The following ATXN1 variants were observed in gnomAD, a reference collection of about 807,000 sequenced individuals.
ATXN1 encodes ataxin-1.
Under a neutral mutation model 56.4 loss-of-function variants are expected in ATXN1, and 8 were observed. The observed-to-expected ratio is 0.14, with a 90% CI of 0.08 to 0.26. The LOEUF (loss-of-function observed/expected upper bound fraction) is 0.26. Among genes scored for constraint, ATXN1 ranks in the 10% least tolerant of loss-of-function variants. The pLI, the probability that ATXN1 is intolerant of heterozygous loss-of-function variation, is 1.00. For synonymous variants in ATXN1, 514 were observed against 494.6 expected (o/e 1.04, Z -0.52); for missense variants, 987 against 1,106.5 (o/e 0.89, Z 1.53).
chr6:16,327,783 G>C lies in ATXN1; in HGVS notation c.528C>G (p.Ala176=), dbSNP rs1156894494. The C allele has an allele frequency of 1.2e-6, 2 of 1,609,976 alleles. 1 individual carries two copies. Among genetic ancestry groups the C allele is most frequent in the African/African-American group, 2.7e-5 (2 of 74,914 alleles). Reference sequence around the variant, plus strand: ...CCATGTTGGCCAGCAGAGTGGAATAGGCCTCCAGCTGGGAGCGCTGGGATG... The same window carrying C: ...CCATGTTGGCCAGCAGAGTGGAATACGCCTCCAGCTGGGAGCGCTGGGATG... The part of the protein sequence containing the change: ...TTPSQRSQLE[A]YSTLLANMGS... The change falls in exon 7 of 8, where the codon GCC becomes GCG. Residue 176 remains alanine, a synonymous_variant. Coordinates refer to ENST00000436367, the MANE Select transcript of ATXN1 (RefSeq NM_001128164.2).
At chr6:16,390,679 A>ACACACACACACACAC (rs1554142730) in intron 6 of ATXN1, among the ~76,000 whole-genome samples, 2 of 106,222 alleles carry the variant, frequency 1.9e-5, no homozygotes, top group African/African-American at 9.8e-5. Context: ...AAATAAACAC[A>ACACACACACACACAC]TCACACACAC....
rs887815417 is a variant in ATXN1 at position 16,410,315 on chromosome 6, A to G, written c.-161+75657T>C. ...TTGATGATGTAAGACCCACTATCATAAGCCAATTAGAGAACCAAACAAGTG... is the reference window on the plus strand; with the variant it reads ...TTGATGATGTAAGACCCACTATCATGAGCCAATTAGAGAACCAAACAAGTG... On this transcript the variant is annotated intron_variant, in intron 6 of 7. Transcript: ENST00000436367. The surrounding 1 kb of genome is among the most constrained non-coding windows in gnomAD (Gnocchi z 4.6). 6.6e-5 allele frequency among the ~76,000 whole-genome samples: 10 copies of G among 152,244 alleles called. No individual in the cohort carries two copies. The highest frequency in any genetic ancestry group is 2.4e-4 in the African/African-American group (10 of 41,470).
intron 2 of ATXN1, among the ~76,000 whole-genome samples, chr6:16,677,322 T>G (rs1758708588): frequency 6.6e-6 from 1 of 152,142 alleles, no homozygotes; most frequent in South Asian, 2.1e-4. Context: ...CCAGAATCAG[T>G]GCTATTTGAA....
chr6:16,620,725 T>C (rs1399452348), intron 3 of ATXN1, among the ~76,000 whole-genome samples: 1 of 152,194 alleles, frequency 6.6e-6, no homozygotes, highest in Non-Finnish European at 1.5e-5. Context: ...CACAGGTGTA[T>C]TTACAGCTGG....
chr6:16,672,570 A>G (rs1359627583), intron 2 of ATXN1, among the ~76,000 whole-genome samples: 5 of 152,210 alleles, frequency 3.3e-5, no homozygotes, highest in Non-Finnish European at 7.3e-5. Context: ...AGGTGGGTCC[A>G]ATGTAATCGC....
intron 2 of ATXN1, among the ~76,000 whole-genome samples, chr6:16,691,455 T>C (rs1456337038): frequency 6.6e-6 from 1 of 152,176 alleles, no homozygotes; most frequent in Non-Finnish European, 1.5e-5. Context: ...TAAAACCACA[T>C]TAAAAGATTG....
intron 6 of ATXN1, among the ~76,000 whole-genome samples, chr6:16,428,485 T>A (rs1202863072): frequency 2.0e-5 from 3 of 151,068 alleles, no homozygotes; most frequent in Non-Finnish European, 4.4e-5. Context: ...CCATTGAAAG[T>A]AATGGCAAAA....
At position 16,424,140 on chromosome 6, in the gene ATXN1, T is replaced by C. The variant is rs374989895; in HGVS notation, c.-161+61832A>G. On this transcript the variant is annotated intron_variant, in intron 6 of 7. Coordinates refer to ENST00000436367, the MANE Select transcript of ATXN1 (RefSeq NM_001128164.2). ...GTGGGCCTAAGTGATCTGTCTAAGG[T>C]AGACAGAGGGCAGGTGGCAGGGAGC... Among the ~76,000 whole-genome samples the C allele has an allele frequency of 2.4e-4, 36 of 152,226 alleles. 1 individual carries two copies. Among genetic ancestry groups the C allele is most frequent in the African/African-American group, 7.9e-4 (33 of 41,548 alleles).
chr6:16,599,358 C>G (rs969243713), intron 3 of ATXN1, among the ~76,000 whole-genome samples: 1 of 152,030 alleles, frequency 6.6e-6, no homozygotes, highest in African/African-American at 2.4e-5. Flanking sequence ...ATTTGAAAGG[C>G]CGCTACTAAG....
At chr6:16,513,813 C>G (rs906455527) in intron 5 of ATXN1, among the ~76,000 whole-genome samples, 1 of 152,090 alleles carries the variant, frequency 6.6e-6, no homozygotes, top group African/African-American at 2.4e-5. Context: ...GACTTTAAAG[C>G]TTTCCTGTTC....
At chr6:16,674,701 T>G (rs2113388057) in intron 2 of ATXN1, among the ~76,000 whole-genome samples, 1 of 152,002 alleles carries the variant, frequency 6.6e-6, no homozygotes, top group South Asian at 2.1e-4. Context: ...TTACCTAGAT[T>G]TCATTAATAA....
intron 6 of ATXN1, among the ~76,000 whole-genome samples, chr6:16,365,622 G>C (rs1581716306): frequency 6.6e-6 from 1 of 152,194 alleles, no homozygotes. Context: ...AAAATCTCTA[G>C]AAACATTATT....
chr6:16,416,679 T>C (rs1758915306), intron 6 of ATXN1, among the ~76,000 whole-genome samples: 2 of 152,222 alleles, frequency 1.3e-5, no homozygotes, highest in African/African-American at 2.4e-5. Context: ...CCTAAACGTT[T>C]AAAATAATCT....
intron 5 of ATXN1, among the ~76,000 whole-genome samples, chr6:16,508,312 C>T (rs1024254188): frequency 6.6e-6 from 1 of 152,094 alleles, no homozygotes; most frequent in African/African-American, 2.4e-5. Context: ...TGGAAGAAAG[C>T]AGTATGTCTA....
chr6:16,554,796 G>A (rs1056109366), intron 4 of ATXN1, among the ~76,000 whole-genome samples: 7 of 151,874 alleles, frequency 4.6e-5, no homozygotes, highest in Non-Finnish European at 1.0e-4. Context: ...TCACCATGTT[G>A]GCTAGGCTGG....
chr6:16,302,662 T>A lies in ATXN1; in HGVS notation c.*3667A>T, dbSNP rs1354360084. On this transcript the variant is annotated 3_prime_UTR_variant, in exon 8 of 8. Coordinates refer to ENST00000436367, the MANE Select transcript of ATXN1 (RefSeq NM_001128164.2). ...GAGGTTCTTGTTTGTTGGTTTCTTA[T>A]TAATAGTATTATTTTTTTCTTTTCG... 1 of 152,654 alleles carries A rather than the reference T, an allele frequency of 6.6e-6. No individual in the cohort carries two copies. Among genetic ancestry groups the A allele is most frequent in the African/African-American group, 2.4e-5 (1 of 41,460 alleles). 9.5% of individuals were successfully genotyped at this position (152,654 alleles called of 1,614,324 possible). A position where few individuals can be genotyped will look rare whatever the true frequency, so the allele number is the denominator to read the frequency against.
chr6:16,302,175 C>T lies in ATXN1; in HGVS notation c.*4154G>A, dbSNP rs1193282432. 6.6e-6 allele frequency: 1 copy of T among 152,592 alleles called. No homozygotes were observed. Among genetic ancestry groups the T allele is most frequent in the Non-Finnish European group, 1.5e-5 (1 of 68,050 alleles). The allele number at this position is 152,592 out of a possible 1,614,324, so 9.5% of individuals were successfully genotyped here. On this transcript the variant is annotated 3_prime_UTR_variant, in exon 8 of 8. Coordinates refer to ENST00000436367, the MANE Select transcript of ATXN1 (RefSeq NM_001128164.2). The stretch of plus-strand genomic sequence containing the variant: ...TTGTACAACCCTACTCCAGAGCAGT[C>T]AAAGTGCTGCTTCTGGACACGTCAG...
At chr6:16,353,964 A>T (rs536119521) in intron 6 of ATXN1, among the ~76,000 whole-genome samples, 63 of 152,230 alleles carry the variant, frequency 4.1e-4, no homozygotes, top group African/African-American at 1.4e-3. Flanking sequence ...GGTGATTCTG[A>T]TTGGCAGCTA....
At chr6:16,698,526 C>T (rs535195069) in intron 2 of ATXN1, among the ~76,000 whole-genome samples, 3 of 152,044 alleles carry the variant, frequency 2.0e-5, no homozygotes, top group Non-Finnish European at 4.4e-5. Flanking sequence ...AGATAATTTC[C>T]ACAGTGTATG....
Sources: allele counts gnomAD v4.1 joint callset (sites outside exome capture counted in the v4.1 genomes callset), GRCh38; gene constraint gnomAD v4.1.1; non-coding constraint Gnocchi (gnomAD v3.1); transcripts MANE v1.5; gene names NCBI Gene and HGNC (gene_info 2026-07-23, HGNC 2026-07-21).